Variants in SLC25A27 observed in about 807,000 individuals in gnomAD.
SLC25A27 encodes solute carrier family 25 member 27.
Under a neutral mutation model 49.1 loss-of-function variants are expected in SLC25A27, and 35 were observed. The observed-to-expected ratio is 0.71, with a 90% CI of 0.54 to 0.95. SLC25A27 has a LOEUF of 0.95. SLC25A27 is among the 40% of genes least tolerant of loss of function. The probability of loss-of-function intolerance (pLI) is 0.00; values close to 1 mark genes in which losing one functional copy is unlikely to be tolerated. For synonymous variants in SLC25A27, 144 were observed against 136.9 expected, an observed-to-expected ratio of 1.05 and a Z score of -0.36; for missense variants, 339 against 397.1, an observed-to-expected ratio of 0.85 and a Z score of 1.24.
chr6:46,670,940 C>G (rs1448521252), intron 7 of SLC25A27, among the ~76,000 whole-genome samples, 186 bp from the exon 8 acceptor site: 1 of 152,132 alleles, frequency 6.6e-6, no homozygotes, highest in African/African-American at 2.4e-5. Context: ...CCGTGTTAGC[C>G]AGGATGACCT....
intron 8 of SLC25A27, among the ~76,000 whole-genome samples, chr6:46,676,157 C>G (rs947027488): frequency 6.6e-6 from 1 of 152,152 alleles, no homozygotes; most frequent in Non-Finnish European, 1.5e-5. Flanking sequence ...ATATTAATAT[C>G]TTTCCTTTCT....
At chr6:46,669,309 G>A (rs988199313) in intron 6 of SLC25A27, among the ~76,000 whole-genome samples, 2 of 152,182 alleles carry the variant, frequency 1.3e-5, no homozygotes, top group Non-Finnish European at 2.9e-5. Context: ...AAATAGACAA[G>A]GGTTTTCAAA....
chr6:46,653,181 C>T lies in SLC25A27; in HGVS notation c.-12C>T. ...CGAGAAGGAGTGCGTTATCGTCTTG[C>T]GCTACTGCTGAATGTCCGTCCCGGA... On this transcript the variant is annotated 5_prime_UTR_variant, in exon 1 of 9. Transcript: ENST00000371347. The T allele has an allele frequency of 6.2e-7, 1 of 1,609,494 alleles. No individual in the cohort carries two copies. Among genetic ancestry groups the T allele is most frequent in the Non-Finnish European group, 8.5e-7 (1 of 1,176,978 alleles).
chr6:46,658,737 C>T (rs1056291854), intron 2 of SLC25A27: 4 of 542,778 alleles, frequency 7.4e-6, no homozygotes, highest in Middle Eastern at 2.7e-4. Context: ...AGAATTCATT[C>T]TAGAAAGATC....
At chr6:46,653,528 T>C (rs1189493927) in intron 1 of SLC25A27, 16 of 985,362 alleles carry the variant, frequency 1.6e-5, no homozygotes, top group Non-Finnish European at 1.9e-5. Context: ...AGGCATGTGC[T>C]GTGGTGCTTG....
rs144007943 is a variant in SLC25A27 at position 46,662,909 on chromosome 6, T to G, written c.506+411T>G. Among the ~76,000 whole-genome samples the G allele has an allele frequency of 3.6e-3, 544 of 152,332 alleles. 4 individuals are homozygous for G. The highest frequency in any genetic ancestry group is 0.012 in the African/African-American group (507 of 41,572). ...CTCGCTCAAAAGGCTGTCATGATGG[T>G]TAACATGCCTGACTGCTCATTAGTG... On this transcript the variant is annotated intron_variant, in intron 4 of 8. Coordinates refer to ENST00000371347, the MANE Select transcript of SLC25A27 (RefSeq NM_004277.5).
At chr6:46,656,189 T>G (rs1381888173) in intron 2 of SLC25A27, among the ~76,000 whole-genome samples, 155 bp downstream of exon 2, 1 of 148,872 alleles carries the variant, frequency 6.7e-6, no homozygotes, top group Non-Finnish European at 1.5e-5. Context: ...ATTATTTAGG[T>G]TTTTTTTTTG....
In SLC25A27 at chr6:46,671,135, G is replaced by A. The variant is rs767641305; in HGVS notation, c.807G>A (p.Leu269=). The A allele has an allele frequency of 1.9e-6, 3 of 1,594,906 alleles. No homozygotes were observed. The highest frequency in any genetic ancestry group is 8.5e-7 in the Non-Finnish European group (1 of 1,171,458). Residue 269 remains leucine (L), a synonymous_variant, in exon 8 of 9, where the codon TTG becomes TTA. Transcript: ENST00000371347. ...CTTGTTTCCTTTTTAGGGGACTTTT[G>A]TATAAATCATCGACTGACTGCTTGA... ...QPRDKQGRGL[L]YKSSTDCLIQ... is the part of the protein sequence containing the mutation.
intron 1 of SLC25A27, 31 bp from the exon 2 acceptor site, chr6:46,655,812 G>C: frequency 6.3e-7 from 1 of 1,588,980 alleles, no homozygotes; most frequent in Non-Finnish European, 8.6e-7. Context: ...TGAATGTTGT[G>C]GGTTTTTCCC....
intron 5 of SLC25A27, among the ~76,000 whole-genome samples, chr6:46,666,284 G>T (rs140719986): frequency 6.6e-6 from 1 of 152,038 alleles, no homozygotes; most frequent in Non-Finnish European, 1.5e-5. Context: ...GCCTGCTACT[G>T]CATGTCCATA....
At chr6:46,659,919 A>G (rs1467587839) in intron 3 of SLC25A27, among the ~76,000 whole-genome samples, 2 of 151,064 alleles carry the variant, frequency 1.3e-5, no homozygotes, top group African/African-American at 4.9e-5. Flanking sequence ...AAAATTATAT[A>G]ACCTCTCAGC....
At chr6:46,670,390 G>A (rs1326291222) in intron 7 of SLC25A27, 163 bp downstream of exon 7, 44 of 576,018 alleles carry the variant, frequency 7.6e-5, no homozygotes, top group Non-Finnish European at 2.1e-5. Flanking sequence ...TGATGAAAAA[G>A]TGACATGCAT....
intron 1 of SLC25A27, chr6:46,653,619 A>G: frequency 4.1e-6 from 4 of 985,388 alleles, no homozygotes; most frequent in Non-Finnish European, 4.8e-6. Context: ...GACCTTTTTA[A>G]AAACGTAATC....
chr6:46,673,580 A>G (rs770750713), intron 8 of SLC25A27, among the ~76,000 whole-genome samples: 10 of 152,220 alleles, frequency 6.6e-5, no homozygotes, highest in Non-Finnish European at 1.2e-4. Flanking sequence ...CAAGAGAAAT[A>G]TAAAGGTGCA....
Position 46,670,240 on chromosome 6 carries a change from T to C in SLC25A27, c.797+13T>C. 16 of 1,545,252 alleles carry C rather than the reference T, an allele frequency of 1.0e-5. No homozygotes were observed. The highest frequency in any genetic ancestry group is 1.3e-5 in the Non-Finnish European group (14 of 1,119,216). On this transcript the variant is annotated intron_variant, in intron 7 of 8. Transcript: ENST00000371347. The stretch of plus-strand genomic sequence containing the variant: ...ATAAACAAGGAAGGTAGATAAAAAG[T>C]CTTCAGTATCCATGTGCTTGAATAT...
At chr6:46,664,969 T>C in intron 5 of SLC25A27, 83 bp downstream of exon 5, 2 of 611,208 alleles carry the variant, frequency 3.3e-6, no homozygotes, top group South Asian at 5.8e-5. Flanking sequence ...TTAAAATTTA[T>C]GTTTTATTTT....
intron 5 of SLC25A27, among the ~76,000 whole-genome samples, chr6:46,667,047 C>T (rs565963341): frequency 2.3e-4 from 35 of 152,260 alleles, no homozygotes; most frequent in African/African-American, 8.4e-4. Context: ...TCCATATCTA[C>T]CCCATTCCCA....
At chr6:46,654,905 GAA>G (rs202099707) in intron 1 of SLC25A27, among the ~76,000 whole-genome samples, 1 of 152,140 alleles carries the variant, frequency 6.6e-6, no homozygotes, top group East Asian at 1.9e-4. Flanking sequence ...GGTGGTCATT[GAA>G]AAGTCTTATA....
At chr6:46,668,148 C>A (rs1455143829) in intron 5 of SLC25A27, among the ~76,000 whole-genome samples, 3 of 152,108 alleles carry the variant, frequency 2.0e-5, no homozygotes, top group Admixed American at 1.3e-4. Flanking sequence ...AGTTGGAGAC[C>A]AGCCTGGGTA....
Sources: allele counts gnomAD v4.1 joint callset (sites outside exome capture counted in the v4.1 genomes callset), GRCh38; gene constraint gnomAD v4.1.1; transcripts MANE v1.5; gene names NCBI Gene and HGNC (gene_info 2026-07-23, HGNC 2026-07-21).